NLK: variants seen among roughly 807,000 people sequenced by gnomAD.
NLK encodes the protein serine/threonine-protein kinase NLK.
A neutral mutation model predicts 59.0 loss-of-function variants in NLK; 11 were observed. The ratio of observed to expected loss-of-function variants is 0.19; its 90% confidence interval spans 0.12 to 0.31. The LOEUF (loss-of-function observed/expected upper bound fraction) is 0.31. NLK is among the 10% of genes least tolerant of loss of function. The pLI is 1.00. For missense variants in NLK, 410 were observed against 661.1 expected (o/e 0.62, Z 4.16); for synonymous variants, 235 against 235.9 (o/e 1.00, Z 0.03).
intron 4 of NLK, among the ~76,000 whole-genome samples, chr17:28,161,679 G>T (rs1357937633): frequency 2.0e-5 from 3 of 152,214 alleles, no homozygotes; most frequent in African/African-American, 2.4e-5. Flanking sequence ...GCCTGTCTGA[G>T]TATTGGCTGG....
chr17:28,047,337 G>A (rs375520033), intron 1 of NLK, among the ~76,000 whole-genome samples: 7 of 152,294 alleles, frequency 4.6e-5, no homozygotes, highest in South Asian at 2.1e-4. Flanking sequence ...TCTAAATAAC[G>A]TAGCGTGTCC....
At chr17:28,106,695 A>G (rs778552381) in intron 1 of NLK, among the ~76,000 whole-genome samples, 6 of 152,224 alleles carry the variant, frequency 3.9e-5, no homozygotes, top group Non-Finnish European at 8.8e-5. Flanking sequence ...TCCTCAGATT[A>G]TGGTGCAATG....
the NLK span, among the ~76,000 whole-genome samples, chr17:28,202,021 GAA>G: frequency 1.3e-5 from 2 of 148,680 alleles, no homozygotes; most frequent in South Asian, 4.3e-4. Flanking sequence ...GTCTCAAAAG[GAA>G]AAAAAAAGCA....
At chr17:28,118,411 A>T (rs1393551918) in intron 1 of NLK, among the ~76,000 whole-genome samples, 1 of 152,230 alleles carries the variant, frequency 6.6e-6, no homozygotes, top group African/African-American at 2.4e-5. Context: ...TATCAGAAAC[A>T]TGAATTTTAA....
intron 1 of NLK, among the ~76,000 whole-genome samples, chr17:28,067,293 C>CTTTATT (rs978170987): frequency 6.6e-6 from 1 of 151,968 alleles, no homozygotes; most frequent in African/African-American, 2.4e-5. Context: ...TTAGGTAGAC[C>CTTTATT]TTTATTTTTA....
intron 7 of NLK, among the ~76,000 whole-genome samples, chr17:28,178,808 T>G (rs1222706649): frequency 6.6e-6 from 1 of 152,228 alleles, no homozygotes; most frequent in Non-Finnish European, 1.5e-5. Flanking sequence ...CTGTGCATGC[T>G]CACTTAATGT....
chr17:28,094,332 A>G (rs1904620558), intron 1 of NLK, among the ~76,000 whole-genome samples: 1 of 152,216 alleles, frequency 6.6e-6, no homozygotes, highest in African/African-American at 2.4e-5. Context: ...CCTACAAGCA[A>G]GAACACATTT....
At chr17:28,065,849 A>G (rs937892710) in intron 1 of NLK, among the ~76,000 whole-genome samples, 2 of 152,116 alleles carry the variant, frequency 1.3e-5, no homozygotes, top group Non-Finnish European at 2.9e-5. Flanking sequence ...CAAGTCTTAG[A>G]CTTGTCTCAA....
intron 1 of NLK, among the ~76,000 whole-genome samples, chr17:28,109,126 G>A (rs1020107585): frequency 6.6e-6 from 1 of 151,270 alleles, no homozygotes; most frequent in East Asian, 1.9e-4. Flanking sequence ...AGCCAAGATC[G>A]CACCACTGCA....
intron 1 of NLK, chr17:28,061,839 C>CAT (rs528727330): frequency 7.2e-6 from 1 of 138,660 alleles, no homozygotes; most frequent in Non-Finnish European, 1.5e-5. Flanking sequence ...TATACATATA[C>CAT]ATATATATAA....
chr17:28,196,745 T>G (rs1251434711), downstream of NLK, among the ~76,000 whole-genome samples: 1 of 152,152 alleles, frequency 6.6e-6, no homozygotes, highest in Non-Finnish European at 1.5e-5. Context: ...TAAAGGGACT[T>G]GACACCTCCC....
rs1567732320 is a variant in NLK at position 28,161,195 on chromosome 17, A to G, written c.680A>G (p.His227Arg). 1.9e-6 allele frequency: 3 copies of G among 1,611,394 alleles called. No individual in the cohort carries two copies. The highest frequency in any genetic ancestry group is 1.7e-5 in the Admixed American group (1 of 60,014). The change falls in exon 4 of 11, where the codon CAT (histidine) becomes CGT (arginine). Residue 227 changes from histidine to arginine, a missense_variant. Transcript: ENST00000407008. ...VVTELMQSDL[H>R]KIIVSPQPLS... The stretch of plus-strand genomic sequence containing the variant: ...ACAGAATTGATGCAGAGTGACCTAC[A>G]TAAAATTATCGTCTCTCCTCAACCA...
rs35639099 is a variant in NLK, at chr17:28,077,073, C to CTTTTTTTTT, written c.458+33759_458+33767dup. On this transcript the variant is annotated intron_variant, in intron 1 of 10. Coordinates refer to ENST00000407008, the MANE Select transcript of NLK (RefSeq NM_016231.5). ...CTTTGCTTTGTACTTCTCTTTCTTT[C>CTTTTTTTTT]TTTTTTTTTTTTTTTTTTTTTTTTT... 4.6e-3 allele frequency among the ~76,000 whole-genome samples: 195 copies of CTTTTTTTTT among 42,440 alleles called. 1 individual carries two copies. Among genetic ancestry groups the CTTTTTTTTT allele is most frequent in the Middle Eastern group, 0.031 (1 of 32 alleles). 27.8% of individuals were successfully genotyped at this position (42,440 alleles called of 152,430 possible).
At chr17:28,124,453 G>C (rs1906206293) in intron 2 of NLK, among the ~76,000 whole-genome samples, 1 of 152,020 alleles carries the variant, frequency 6.6e-6, no homozygotes, top group African/African-American at 2.4e-5. Context: ...ACTTGAGCCA[G>C]GAGTTCAAGG....
chr17:28,158,305 AAAT>A (rs1907866807), intron 3 of NLK, among the ~76,000 whole-genome samples: 1 of 152,344 alleles, frequency 6.6e-6, no homozygotes, highest in East Asian at 1.9e-4. Context: ...GGTACAGTAA[AAAT>A]ATGATATAAA....
intron 9 of NLK, 77 bp downstream of exon 9, chr17:28,191,296 A>G (rs748139380): frequency 1.8e-6 from 2 of 1,131,088 alleles, no homozygotes; most frequent in Non-Finnish European, 2.5e-6. Context: ...AAGAGCTGAG[A>G]TCTGGATGGT....
At chr17:28,204,509 C>T in the NLK span, among the ~76,000 whole-genome samples, 18 of 152,256 alleles carry the variant, frequency 1.2e-4, no homozygotes, top group South Asian at 1.0e-3. Flanking sequence ...CTTATATATG[C>T]GCCTGTGTGT....
chr17:28,068,165 A>G (rs972065441), intron 1 of NLK, among the ~76,000 whole-genome samples: 7 of 150,434 alleles, frequency 4.7e-5, no homozygotes, highest in African/African-American at 1.5e-4. Flanking sequence ...AAAAATATGG[A>G]TGTTCGATTG....
chr17:28,048,237 A>T (rs1163109275), intron 1 of NLK: 1 of 334,718 alleles, frequency 3.0e-6, no homozygotes, highest in Non-Finnish European at 5.4e-6. Context: ...TTGAAACTCC[A>T]TAGCCTATAA....
Sources: allele counts gnomAD v4.1 joint callset (sites outside exome capture counted in the v4.1 genomes callset), GRCh38; gene constraint gnomAD v4.1.1; transcripts MANE v1.5; gene names NCBI Gene and HGNC (gene_info 2026-07-23, HGNC 2026-07-21).